Variants in ECSCR observed in about 807,000 individuals in gnomAD.
The protein encoded by ECSCR is endothelial cell-specific chemotaxis regulator.
ECSCR carries 12 observed loss-of-function variants against 16.7 expected under a neutral mutation model. That is an observed-to-expected ratio of 0.72 (90% CI 0.46 to 1.17). The LOEUF is 1.17. Ranked by LOEUF, ECSCR falls within the 50% of genes most tolerant of loss-of-function variation. The pLI, the probability that ECSCR is intolerant of heterozygous loss-of-function variation, is 0.00. For missense variants in ECSCR, 122 were observed against 116.1 expected (o/e 1.05, Z -0.23); for synonymous variants, 44 against 42.2 (o/e 1.04, Z -0.17).
chr5:139,458,835 G>A (rs1414386602), intron 1 of ECSCR, among the ~76,000 whole-genome samples: 2 of 146,948 alleles, frequency 1.4e-5, no homozygotes, highest in Non-Finnish European at 3.0e-5. Flanking sequence ...GACAAAGTGA[G>A]ACTCTGTCTC....
intron 5 of ECSCR, among the ~76,000 whole-genome samples, 171 bp downstream of exon 5, chr5:139,456,303 C>T (rs1462811570): frequency 6.6e-6 from 1 of 152,186 alleles, no homozygotes; most frequent in Non-Finnish European, 1.5e-5. Flanking sequence ...CTTCCCTTCT[C>T]AACCCATTGT....
chr5:139,461,335 G>C lies in ECSCR; in HGVS notation c.61+1275C>G, dbSNP rs550337537. Among the ~76,000 whole-genome samples, 15 of 152,238 alleles carry C rather than the reference G, an allele frequency of 9.9e-5. No homozygotes were observed. In the East Asian group the frequency reaches 2.5e-3, roughly 25 times the overall value. On this transcript the variant is annotated intron_variant, in intron 1 of 9. Transcript: ENST00000618155. The stretch of plus-strand genomic sequence containing the variant: ...AAGTCTCAAGTCTGCCCTGCCTCTG[G>C]GTATCCGTAGTCAAGTCCCTTTATG...
At chr5:139,461,968 A>C (rs988184193) in intron 1 of ECSCR, among the ~76,000 whole-genome samples, 1 of 151,942 alleles carries the variant, frequency 6.6e-6, no homozygotes, top group Admixed American at 6.6e-5. Flanking sequence ...CGGCTTCACA[A>C]CTCATTGGCT....
At chr5:139,462,477 T>C in intron 1 of ECSCR, 133 bp downstream of exon 1, 2 of 907,534 alleles carry the variant, frequency 2.2e-6, no homozygotes, top group Non-Finnish European at 3.5e-6. Flanking sequence ...CTGATCTTCA[T>C]GGAAAGGCTC....
intron 8 of ECSCR, among the ~76,000 whole-genome samples, chr5:139,452,337 G>GTATAGTATGGGGTGTGTGTGTGGTATA (rs1751078687): frequency 1.3e-5 from 1 of 75,474 alleles, no homozygotes; most frequent in Non-Finnish European, 2.8e-5. Context: ...GTGTGTGTGT[G>GTATAGTATGGGGTGTGTGTGTGGTATA]TGATATGTGT....
chr5:139,448,632 C>T lies in ECSCR; in HGVS notation c.*268G>A. 1.0e-6 allele frequency: 1 copy of T among 968,998 alleles called. No homozygotes were observed. 60.0% of individuals were successfully genotyped at this position (968,998 alleles called of 1,614,324 possible). A position where few individuals can be genotyped will look rare whatever the true frequency, so the allele number is the denominator to read the frequency against. ...CCTCATCACTTTCCTTGCTCTCTCT[C>T]TGTCACCTCCTCTTTCCTGTGGCTC... On this transcript the variant is annotated 3_prime_UTR_variant, in exon 10 of 10. Transcript: ENST00000618155.
intron 8 of ECSCR, among the ~76,000 whole-genome samples, chr5:139,450,683 G>A (rs1751020754): frequency 6.6e-6 from 1 of 151,582 alleles, no homozygotes; most frequent in Admixed American, 6.6e-5. Context: ...GGCTGAGGCA[G>A]GAGAATCACT....
At chr5:139,460,824 C>A (rs1751284969) in intron 1 of ECSCR, among the ~76,000 whole-genome samples, 1 of 152,118 alleles carries the variant, frequency 6.6e-6, no homozygotes, top group Admixed American at 6.6e-5. Context: ...ACACACCCCT[C>A]CCCATTTTTT....
chr5:139,448,876 A>T lies in ECSCR; in HGVS notation c.*24T>A, dbSNP rs1750966152. 6.5e-7 allele frequency: 1 copy of T among 1,537,136 alleles called. No homozygotes were observed. The highest frequency in any genetic ancestry group is 1.4e-5 in the African/African-American group (1 of 73,136). ...CACAGGGCAGCTGCATCATCCTTGG[A>T]CTCATGGGGACCCAAAGTTGCTTTT... On this transcript the variant is annotated 3_prime_UTR_variant, in exon 10 of 10. Transcript: ENST00000618155.
chr5:139,448,741 G>C lies in ECSCR; in HGVS notation c.*159C>G. On this transcript the variant is annotated 3_prime_UTR_variant, in exon 10 of 10. Transcript: ENST00000618155. ...CTCCCCTGTTGGTAGCTTGCTCCCA[G>C]ATCTGGGGCAATGCTAGTGTCCTTT... 6.9e-7 allele frequency: 1 copy of C among 1,446,886 alleles called. No individual in the cohort carries two copies. Among genetic ancestry groups the C allele is most frequent in the African/African-American group, 1.4e-5 (1 of 70,120 alleles). The allele number at this position is 1,446,886 out of a possible 1,614,324, so 89.6% of individuals were successfully genotyped here.
intron 1 of ECSCR, among the ~76,000 whole-genome samples, chr5:139,458,557 A>T (rs943161737): frequency 6.7e-6 from 1 of 148,510 alleles, no homozygotes; most frequent in Non-Finnish European, 1.5e-5. Context: ...AAAAGAAAAG[A>T]AAACACTGGC....
At chr5:139,456,187 CAGG>C (rs1471680409) in intron 5 of ECSCR, among the ~76,000 whole-genome samples, 2 of 152,046 alleles carry the variant, frequency 1.3e-5, no homozygotes, top group Non-Finnish European at 2.9e-5. Flanking sequence ...CCCAGCTACT[CAGG>C]AGGAGGAGGT....
At chr5:139,457,083 C>G (rs1751173653) in intron 4 of ECSCR, among the ~76,000 whole-genome samples, 1 of 152,242 alleles carries the variant, frequency 6.6e-6, no homozygotes, top group Non-Finnish European at 1.5e-5. Flanking sequence ...TGCTCAGGGC[C>G]TTGGCCGGCA....
At chr5:139,453,943 A>G in intron 8 of ECSCR, among the ~76,000 whole-genome samples, 1 of 104,204 alleles carries the variant, frequency 9.6e-6, no homozygotes, top group African/African-American at 3.8e-5. Flanking sequence ...GGTGTGTATG[A>G]GATGTGTGGG....
At chr5:139,461,142 A>C (rs907718967) in intron 1 of ECSCR, among the ~76,000 whole-genome samples, 4 of 152,202 alleles carry the variant, frequency 2.6e-5, no homozygotes, top group African/African-American at 7.2e-5. Context: ...TGGCCTGCGC[A>C]ATGGAGCAAC....
At chr5:139,458,300 C>T in intron 1 of ECSCR, 117 bp from the exon 2 acceptor site, 7 of 880,914 alleles carry the variant, frequency 7.9e-6, no homozygotes, top group South Asian at 5.1e-5. Flanking sequence ...GACCCTGTCT[C>T]TAAAAAAAAA....
intron 9 of ECSCR, 74 bp downstream of exon 9, chr5:139,449,004 T>C (rs1018613945): frequency 6.3e-5 from 97 of 1,533,440 alleles, no homozygotes; most frequent in Non-Finnish European, 8.0e-5. Flanking sequence ...AAGTATCTCC[T>C]TTCTGGCCTG....
At chr5:139,460,682 G>A (rs1038294979) in intron 1 of ECSCR, among the ~76,000 whole-genome samples, 1 of 152,072 alleles carries the variant, frequency 6.6e-6, no homozygotes, top group Non-Finnish European at 1.5e-5. Flanking sequence ...GAGCATCTGT[G>A]TCTACAGCCG....
intron 4 of ECSCR, among the ~76,000 whole-genome samples, chr5:139,456,960 C>T (rs1019927010): frequency 2.6e-5 from 4 of 152,192 alleles, no homozygotes; most frequent in East Asian, 1.9e-4. Context: ...CCAACCAGGT[C>T]GGGGAGAGCC....
Sources: gnomAD v4.1 joint callset for allele counts (sites outside exome capture counted in the v4.1 genomes callset) on GRCh38, gnomAD v4.1.1 for gene constraint, MANE v1.5 for transcripts, NCBI Gene and HGNC (gene_info 2026-07-23, HGNC 2026-07-21) for gene names.